Variants in MPC2 observed in about 807,000 individuals in gnomAD.
MPC2 encodes the protein mitochondrial pyruvate carrier 2, also known as brain protein 44.
A neutral mutation model predicts 19.2 loss-of-function variants in MPC2; 19 were observed. The ratio of observed to expected loss-of-function variants is 0.99; its 90% CI spans 0.69 to 1.45. The LOEUF is 1.45. Ranked by LOEUF, MPC2 falls within the 40% of genes most tolerant of loss-of-function variation. The pLI is 0.00. For synonymous variants in MPC2, 61 were observed against 54.3 expected (o/e 1.12, Z -0.54); for missense variants, 122 against 153.0 (o/e 0.80, Z 1.07).
intron 5 of MPC2, among the ~76,000 whole-genome samples, chr1:167,919,551 A>T (rs1312321809): frequency 1.3e-5 from 2 of 152,250 alleles, no homozygotes. Flanking sequence ...TATCATTTCC[A>T]ATACTACATA....
rs536239555 is a variant in MPC2, at chr1:167,929,367, G to GA, written c.110-4831dup. Reference sequence around the variant, plus strand: ...AGAGCGAAACTCCGTCTCGAAAAAAGAAAAAAAAAAGTCTACACATTTTAA... The same window carrying GA: ...AGAGCGAAACTCCGTCTCGAAAAAAGAAAAAAAAAAAGTCTACACATTTTAA... On this transcript the variant is annotated intron_variant, in intron 2 of 5. Transcript: ENST00000271373. Among the ~76,000 whole-genome samples the GA allele has an allele frequency of 6.3e-3, 899 of 142,668 alleles. 9 individuals are homozygous for GA. Among genetic ancestry groups the GA allele is most frequent in the African/African-American group, 0.021 (815 of 38,884 alleles). 93.6% of individuals were successfully genotyped at this position (142,668 alleles called of 152,430 possible).
intron 4 of MPC2, 72 bp downstream of exon 4, chr1:167,920,475 T>C (rs1670572538): frequency 1.4e-6 from 2 of 1,480,598 alleles, no homozygotes; most frequent in Non-Finnish European, 1.8e-6. Context: ...AGCCACTAAA[T>C]AAACTGATAT....
intron 2 of MPC2, among the ~76,000 whole-genome samples, chr1:167,926,210 A>T (rs1332657339): frequency 2.0e-5 from 3 of 152,334 alleles, no homozygotes; most frequent in Non-Finnish European, 2.9e-5. Context: ...TGTAGAATAA[A>T]TCTAAAAACA....
chr1:167,935,990 C>T (rs1432726408), intron 1 of MPC2, 92 bp from the exon 2 acceptor site: 2 of 648,920 alleles, frequency 3.1e-6, no homozygotes, highest in African/African-American at 1.8e-5. Flanking sequence ...TTTCCCTGCC[C>T]GCTGTGAACC....
chr1:167,935,265 G>A (rs1023602271), intron 2 of MPC2, among the ~76,000 whole-genome samples: 21 of 152,186 alleles, frequency 1.4e-4, no homozygotes, highest in African/African-American at 5.1e-4. Context: ...GTTTGGGGGA[G>A]GGCTCAGTCT....
At chr1:167,936,533 C>G (rs765449501) in intron 1 of MPC2, 1 of 255,518 alleles carries the variant, frequency 3.9e-6, no homozygotes, top group African/African-American at 2.4e-5. Context: ...CAGCACACAC[C>G]AGCCTCAGTC....
intron 2 of MPC2, among the ~76,000 whole-genome samples, chr1:167,927,268 T>G (rs1670785202): frequency 6.6e-6 from 1 of 152,238 alleles, no homozygotes; most frequent in Non-Finnish European, 1.5e-5. Flanking sequence ...ACTCTACTCT[T>G]AGACCACAGC....
Position 167,918,547 on chromosome 1 carries a change from T to C in MPC2, c.348-188A>G, listed in dbSNP as rs915376961. Among the ~76,000 whole-genome samples the C allele has an allele frequency of 4.0e-5, 6 of 151,780 alleles. No individual in the cohort carries two copies. The South Asian group carries it at 6.2e-4, about 16-fold the overall frequency. ...AAAGGAAAGGATTCAAAGAGTTCATTTGCATCTGGATTTTGTTTCAGATAA... is the reference window on the plus strand; with the variant it reads ...AAAGGAAAGGATTCAAAGAGTTCATCTGCATCTGGATTTTGTTTCAGATAA... On this transcript the variant is annotated intron_variant, in intron 5 of 5. Coordinates refer to ENST00000271373, the MANE Select transcript of MPC2 (RefSeq NM_001143674.4).
intron 3 of MPC2, among the ~76,000 whole-genome samples, chr1:167,922,315 C>T (rs1670622161): frequency 6.6e-6 from 1 of 152,076 alleles, no homozygotes; most frequent in Admixed American, 6.5e-5. Flanking sequence ...CAATATCTCA[C>T]AACAGTAATG....
chr1:167,934,482 A>C (rs1671004964), intron 2 of MPC2, among the ~76,000 whole-genome samples: 1 of 152,224 alleles, frequency 6.6e-6, no homozygotes, highest in South Asian at 2.1e-4. Context: ...AAATAAACAA[A>C]AACTTTTTAA....
intron 2 of MPC2, among the ~76,000 whole-genome samples, chr1:167,930,908 C>T (rs905778591): frequency 1.3e-5 from 2 of 152,188 alleles, no homozygotes; most frequent in Admixed American, 1.3e-4. Context: ...AGCAGGATAG[C>T]ACACAAAAAA....
At chr1:167,933,497 T>C (rs1233405268) in intron 2 of MPC2, among the ~76,000 whole-genome samples, 7 of 152,202 alleles carry the variant, frequency 4.6e-5, no homozygotes, top group Admixed American at 2.0e-4. Flanking sequence ...TGTCGAGACA[T>C]ACAGTGTCAG....
intron 4 of MPC2, 132 bp downstream of exon 4, chr1:167,920,415 T>G: frequency 1.1e-6 from 1 of 938,206 alleles, no homozygotes; most frequent in Non-Finnish European, 1.6e-6. Context: ...AATAACTTCC[T>G]AGACATAATA....
intron 2 of MPC2, among the ~76,000 whole-genome samples, chr1:167,935,437 CG>C (rs1334414156): frequency 2.0e-5 from 3 of 152,118 alleles, no homozygotes; most frequent in Non-Finnish European, 4.4e-5. Context: ...GTTTGGTGGC[CG>C]CAGAAGTTGA....
At position 167,924,498 on chromosome 1, in the gene MPC2, C is replaced by T; in HGVS notation, c.149G>A (p.Trp50Ter). The T allele has an allele frequency of 6.3e-7, 1 of 1,587,072 alleles. No individual in the cohort carries two copies. Among genetic ancestry groups the T allele is most frequent in the Non-Finnish European group, 8.6e-7 (1 of 1,168,426 alleles). The change falls in exon 3 of 6, where the codon TGG (tryptophan) becomes TAG (stop). Residue 50 changes from tryptophan (W) to a stop codon, truncating the protein, a stop_gained and splice_region_variant. Transcript: ENST00000271373. LOFTEE classifies it high-confidence loss of function. ...TVFFWAPIMK[W>*]GLVCAGLADM... ...CTTCCGTAAAAACTCAAGACTTACC[C>T]ATTTCATAATTGGAGCCCAGAAGAA...
chr1:167,928,053 TA>T (rs950986096), intron 2 of MPC2, among the ~76,000 whole-genome samples: 2 of 151,048 alleles, frequency 1.3e-5, no homozygotes, highest in South Asian at 2.1e-4. Flanking sequence ...TCTTAACTGT[TA>T]AAAAAAAAGG....
chr1:167,917,191 C>A lies in MPC2; in HGVS notation c.*1132G>T, dbSNP rs1369124647. 1 of 152,154 alleles carries A rather than the reference C, an allele frequency of 6.6e-6. No homozygotes were observed. Among genetic ancestry groups the A allele is most frequent in the Non-Finnish European group, 1.5e-5 (1 of 68,020 alleles). 9.4% of individuals were successfully genotyped at this position (152,154 alleles called of 1,614,324 possible). On this transcript the variant is annotated 3_prime_UTR_variant, in exon 6 of 6. Transcript: ENST00000271373. ...CAAATAGATAGTTAATTATTTGTAG[C>A]GTGGAGTAATGTATGCTCAGTCTCT...
chr1:167,927,357 A>C (rs1371130074), intron 2 of MPC2, among the ~76,000 whole-genome samples: 2 of 152,216 alleles, frequency 1.3e-5, no homozygotes, highest in East Asian at 3.8e-4. Context: ...ATTTAGGGTG[A>C]GATTCTGGGA....
chr1:167,919,977 A>C lies in MPC2; in HGVS notation c.347+2T>G. 9 of 1,604,998 alleles carry C rather than the reference A, an allele frequency of 5.6e-6. No individual in the cohort carries two copies. The highest frequency in any genetic ancestry group is 7.7e-6 in the Non-Finnish European group (9 of 1,174,626). On this transcript the variant is annotated splice_donor_variant, in intron 5 of 5. Coordinates refer to ENST00000271373, the MANE Select transcript of MPC2 (RefSeq NM_001143674.4). LOFTEE classifies it high-confidence loss of function. Reference sequence around the variant, plus strand: ...TTTTAAAAATATCTCTGGTAGGCTTACCTCCAAATACGAAAAAGCTGAGAG... The same window carrying C: ...TTTTAAAAATATCTCTGGTAGGCTTCCCTCCAAATACGAAAAAGCTGAGAG...
Sources: allele counts gnomAD v4.1 joint callset (sites outside exome capture counted in the v4.1 genomes callset), GRCh38; gene constraint gnomAD v4.1.1; transcripts MANE v1.5; gene names NCBI Gene and HGNC (gene_info 2026-07-23, HGNC 2026-07-21).